Variants in KIF25 observed in about 807,000 individuals in gnomAD.
The protein encoded by KIF25 is kinesin family member 25.
A neutral mutation model predicts 32.9 loss-of-function variants in KIF25; 19 were observed. That is an observed-to-expected ratio of 0.58 (90% CI 0.40 to 0.85). The LOEUF (loss-of-function observed/expected upper bound fraction) is 0.85. Ranked by LOEUF, KIF25 falls within the 40% of genes least tolerant of loss-of-function variation. The pLI is 0.00. For missense variants in KIF25, 485 were observed against 507.0 expected (o/e 0.96, Z 0.42); for synonymous variants, 225 against 213.7 (o/e 1.05, Z -0.46).
At chr6:168,003,053 G>A (rs79126392) in intron 3 of KIF25, among the ~76,000 whole-genome samples, 15,657 of 152,182 alleles carry the variant, frequency 0.1, 985 homozygotes, top group Middle Eastern at 0.16. Context: ...GCTCACTTGC[G>A]CACCGCTCAC....
intron 5 of KIF25, among the ~76,000 whole-genome samples, chr6:168,026,312 C>T (rs936760695): frequency 2.0e-5 from 3 of 151,890 alleles, no homozygotes; most frequent in African/African-American, 4.8e-5. Context: ...CGCTGAGGGT[C>T]GAAGGGAAAC....
At chr6:168,005,237 C>A (rs1798563741) in intron 4 of KIF25, among the ~76,000 whole-genome samples, 1 of 152,182 alleles carries the variant, frequency 6.6e-6, no homozygotes, top group South Asian at 2.1e-4. Context: ...ACCTTCTCCT[C>A]TATCCTCCTA....
At chr6:167,999,629 A>T (rs749076118) in intron 2 of KIF25, among the ~76,000 whole-genome samples, 26 of 152,150 alleles carry the variant, frequency 1.7e-4, no homozygotes, top group Non-Finnish European at 4.4e-5. Context: ...CCGAACAGGG[A>T]CAGGCTTTGA....
At chr6:168,017,191 A>C (rs1181932980) in intron 4 of KIF25, among the ~76,000 whole-genome samples, 1 of 130,320 alleles carries the variant, frequency 7.7e-6, no homozygotes, top group Non-Finnish European at 1.7e-5. Context: ...ATGTTATTGC[A>C]GACACACACA....
chr6:168,008,208 T>G (rs1367860650), intron 4 of KIF25, among the ~76,000 whole-genome samples: 2 of 152,222 alleles, frequency 1.3e-5, no homozygotes, highest in Admixed American at 1.3e-4. Context: ...TCACTTTGTG[T>G]CTCACATTTA....
chr6:168,001,944 T>G (rs1458399131), intron 2 of KIF25, among the ~76,000 whole-genome samples: 4 of 115,648 alleles, frequency 3.5e-5, no homozygotes, highest in African/African-American at 1.3e-4. Flanking sequence ...AGAAGACACC[T>G]GAGGCGTGGC....
At chr6:168,028,385 T>C (rs1798894338) in intron 5 of KIF25, among the ~76,000 whole-genome samples, 1 of 152,088 alleles carries the variant, frequency 6.6e-6, no homozygotes, top group Non-Finnish European at 1.5e-5. Flanking sequence ...CTCTCCCCAC[T>C]GACCTGAGAT....
intron 5 of KIF25, among the ~76,000 whole-genome samples, chr6:168,018,565 T>C (rs548724451): frequency 9.2e-5 from 14 of 152,338 alleles, no homozygotes; most frequent in African/African-American, 3.1e-4. Flanking sequence ...TATATCCAGT[T>C]TGTTGATAGT....
At chr6:168,022,271 C>T (rs1013103129) in intron 5 of KIF25, among the ~76,000 whole-genome samples, 1 of 152,150 alleles carries the variant, frequency 6.6e-6, no homozygotes, top group Non-Finnish European at 1.5e-5. Flanking sequence ...AATTAATTCA[C>T]TTATTCTCTC....
chr6:168,012,393 T>C (rs1798659719), intron 4 of KIF25, among the ~76,000 whole-genome samples: 2 of 152,224 alleles, frequency 1.3e-5, no homozygotes, highest in Non-Finnish European at 1.5e-5. Flanking sequence ...GTAGTCTCCA[T>C]ATTGTTCCTT....
intron 7 of KIF25, 146 bp downstream of exon 7, chr6:168,030,993 C>G (rs1798933267): frequency 1.7e-6 from 1 of 589,444 alleles, no homozygotes; most frequent in Non-Finnish European, 3.0e-6. Context: ...CCAGCATGGA[C>G]TCCACTTGCA....
chr6:168,044,903 G>A lies in KIF25; in HGVS notation c.1062G>A (p.Leu354=), dbSNP rs148150081. The change falls in exon 13 of 13, where the codon CTG becomes CTA. Residue 354 remains leucine (L), a synonymous_variant. Coordinates refer to ENST00000643607, the MANE Select transcript of KIF25 (RefSeq NM_030615.4). ...ACCTGGCACAGACGTTGCAGGGCCT[G>A]GGTTTCGGGATCCGAGCTCGGCAAG... ...QRHLAQTLQG[L]GFGIRARQVQ... 260 of 1,613,120 alleles carry A rather than the reference G, an allele frequency of 1.6e-4. No homozygotes were observed. The highest frequency in any genetic ancestry group is 3.3e-5 in the Admixed American group (2 of 59,978).
intron 4 of KIF25, among the ~76,000 whole-genome samples, chr6:168,004,968 C>T (rs1007846132): frequency 4.6e-5 from 7 of 152,206 alleles, no homozygotes; most frequent in African/African-American, 1.7e-4. Flanking sequence ...AGAATGCGGA[C>T]ATTTCACAGA....
At chr6:168,018,984 A>C (rs1798753117) in intron 5 of KIF25, among the ~76,000 whole-genome samples, 1 of 152,254 alleles carries the variant, frequency 6.6e-6, no homozygotes, top group Non-Finnish European at 1.5e-5. Context: ...GAGCTCACAC[A>C]GGCCTGGGAA....
At chr6:168,033,042 G>A (rs550458800) in intron 7 of KIF25, among the ~76,000 whole-genome samples, 10 of 152,312 alleles carry the variant, frequency 6.6e-5, no homozygotes, top group African/African-American at 2.2e-4. Flanking sequence ...ATGTAGGGAT[G>A]TTGGTAGTTA....
chr6:168,024,291 G>T (rs1447068973), intron 5 of KIF25, among the ~76,000 whole-genome samples: 2 of 151,914 alleles, frequency 1.3e-5, no homozygotes, highest in Non-Finnish European at 2.9e-5. Flanking sequence ...AAACACTTGT[G>T]GAACTTTGCT....
At chr6:168,013,413 G>C (rs115849886) in intron 4 of KIF25, among the ~76,000 whole-genome samples, 1 of 152,154 alleles carries the variant, frequency 6.6e-6, no homozygotes, top group East Asian at 1.9e-4. Context: ...TGTAGGCTTG[G>C]AGTCATGAAG....
rs79953942 is a variant in KIF25 at position 168,037,084 on chromosome 6, A to G, written c.318-1469A>G. Among the ~76,000 whole-genome samples, 3 of 152,322 alleles carry G rather than the reference A, an allele frequency of 2.0e-5. No homozygotes were observed. The East Asian group carries it at 5.8e-4, about 29-fold the overall frequency. ...CTCAGATAAATAAATAAATAAATATAAAGTAAAATAAAATCTGTAGCTTAG... is the reference window on the plus strand; with the variant it reads ...CTCAGATAAATAAATAAATAAATATGAAGTAAAATAAAATCTGTAGCTTAG... On this transcript the variant is annotated intron_variant, in intron 8 of 12. Coordinates refer to ENST00000643607, the MANE Select transcript of KIF25 (RefSeq NM_030615.4).
rs34801387 is a variant in KIF25, at chr6:168,042,113, G to C, written c.791G>C (p.Arg264Pro). ...GGGCATGCGGAGCAGGTGCAGGCTC[G>C]ACTACAGCTCGTGGACTCGGCCGGC... is the stretch of plus-strand genomic sequence containing the variant. ...PAGHAEQVQA[R>P]LQLVDSAGSE... The change falls in exon 11 of 13, where the codon CGA (arginine) becomes CCA (proline). Residue 264 changes from arginine to proline, a missense_variant. Physicochemically the swap from Arg to Pro is moderately radical, Grantham distance 103. This residue lies in a region of KIF25 where 480 missense variants were observed against 470.3 expected (regional missense o/e 1.02). Transcript: ENST00000643607. 4.4e-3 allele frequency: 6,782 copies of C among 1,551,196 alleles called. 293 individuals carry two copies. The African/African-American group carries it at 0.084, about 19-fold the overall frequency.
Sources: allele counts gnomAD v4.1 joint callset (sites outside exome capture counted in the v4.1 genomes callset), GRCh38; gene constraint gnomAD v4.1.1; regional missense constraint gnomAD v4.1.1; transcripts MANE v1.5; gene names NCBI Gene and HGNC (gene_info 2026-07-23, HGNC 2026-07-21).